Variants in PHF3 observed in about 807,000 individuals in gnomAD.
The protein encoded by PHF3 is PHD finger protein 3.
Under a neutral mutation model 178.4 loss-of-function variants are expected in PHF3, and 41 were observed. That is an observed-to-expected ratio of 0.23 (90% confidence interval 0.18 to 0.30). PHF3 has a LOEUF of 0.30. Among genes scored for constraint, PHF3 ranks in the 10% least tolerant of loss-of-function variants. PHF3 has a pLI of 1.00. For missense variants in PHF3, 2,346 were observed against 2,398.1 expected, an observed-to-expected ratio of 0.98 and a Z score of 0.45; for synonymous variants, 842 against 800.5, an observed-to-expected ratio of 1.05 and a Z score of -0.88.
Position 63,691,815 on chromosome 6 carries a change from G to A in PHF3, c.2268G>A (p.Gln756=). ...CVGLSLSQAQ[Q]MGEEDKEYVC... Reference sequence around the variant, plus strand: ...GGTTAAGTCTTTCTCAAGCACAGCAGATGGGCGAGGAAGACAAAGAATATG... The same window carrying A: ...GGTTAAGTCTTTCTCAAGCACAGCAAATGGGCGAGGAAGACAAAGAATATG... Residue 756 remains glutamine (Q), a synonymous_variant, in exon 5 of 16, where the codon CAG becomes CAA. Transcript: ENST00000262043. The A allele has an allele frequency of 6.2e-7, 1 of 1,613,818 alleles. No individual in the cohort carries two copies. Among genetic ancestry groups the A allele is most frequent in the Non-Finnish European group, 8.5e-7 (1 of 1,179,860 alleles).
chr6:63,661,349 T>C (rs73439245), intron 2 of PHF3, among the ~76,000 whole-genome samples: 11 of 152,270 alleles, frequency 7.2e-5, no homozygotes, highest in African/African-American at 2.6e-4. Context: ...AATAAAATGT[T>C]TGATGCAGGT....
chr6:63,709,133 T>TC lies in PHF3; in HGVS notation c.3712-18_3712-17insC, dbSNP rs1767817713. ...TAATCTATATATATTGATCTCTTTTTTTTTTTTTTAACCATAGGACCTACC... is the reference window on the plus strand; with the variant it reads ...TAATCTATATATATTGATCTCTTTTTCTTTTTTTTTAACCATAGGACCTACC... On this transcript the variant is annotated splice_polypyrimidine_tract_variant and intron_variant, in intron 13 of 15. Transcript: ENST00000262043. The TC allele has an allele frequency of 7.2e-7, 1 of 1,382,922 alleles. No homozygotes were observed. Among genetic ancestry groups the TC allele is most frequent in the East Asian group, 2.3e-5 (1 of 43,056 alleles). The allele number at this position is 1,382,922 out of a possible 1,614,324, so 85.7% of individuals were successfully genotyped here.
chr6:63,649,872 G>A (rs761222146), intron 2 of PHF3, among the ~76,000 whole-genome samples: 26 of 152,300 alleles, frequency 1.7e-4, no homozygotes, highest in Non-Finnish European at 2.8e-4. Context: ...TTGAGATAGT[G>A]AATATACTGT....
chr6:63,703,040 G>A (rs1431893907), intron 10 of PHF3, among the ~76,000 whole-genome samples: 5 of 152,160 alleles, frequency 3.3e-5, no homozygotes, highest in African/African-American at 1.2e-4. Context: ...AATACACCCA[G>A]CTAATTTTTG....
chr6:63,663,535 C>T (rs998089927), intron 2 of PHF3, among the ~76,000 whole-genome samples: 9 of 152,206 alleles, frequency 5.9e-5, no homozygotes, highest in African/African-American at 2.2e-4. Flanking sequence ...ACCCCAGAAA[C>T]ACTTTCTGTA....
rs1325423706 is a variant in PHF3 at position 63,685,404 on chromosome 6, G to A, written c.1682G>A (p.Cys561Tyr). The change falls in exon 4 of 16, where the codon TGC (cysteine) becomes TAC (tyrosine). Residue 561 changes from cysteine to tyrosine, a missense_variant. By Grantham distance (194) the Cys-to-Tyr change is radical. This residue lies in a region of PHF3 where 843 missense variants were observed against 795.2 expected (regional missense o/e 1.06). Transcript: ENST00000262043. ...GATAAGGAGCCAAAGATTCAGAGTT[G>A]CAATTCTGGGGTTAAATCTGTGAAA... ...QIDKEPKIQS[C>Y]NSGVKSVKNQ... 3 of 1,613,974 alleles carry A rather than the reference G, an allele frequency of 1.9e-6. No individual in the cohort carries two copies. The highest frequency in any genetic ancestry group is 2.5e-6 in the Non-Finnish European group (3 of 1,179,988).
intron 10 of PHF3, among the ~76,000 whole-genome samples, chr6:63,703,036 C>A (rs1167405346): frequency 6.6e-6 from 1 of 152,180 alleles, no homozygotes; most frequent in Non-Finnish European, 1.5e-5. Context: ...CGCCAATACA[C>A]CCAGCTAATT....
chr6:63,658,577 G>A (rs1765333814), intron 2 of PHF3, among the ~76,000 whole-genome samples: 1 of 152,050 alleles, frequency 6.6e-6, no homozygotes, highest in African/African-American at 2.4e-5. Context: ...CTTTTATGGT[G>A]TGTTTGCATT....
In PHF3 at chr6:63,694,702, G is replaced by A. The variant is rs900418897; in HGVS notation, c.2618G>A (p.Ser873Asn). The A allele has an allele frequency of 1.9e-6, 3 of 1,599,890 alleles. No homozygotes were observed. The highest frequency in any genetic ancestry group is 1.3e-5 in the African/African-American group (1 of 74,320). Residue 873 changes from serine (S) to asparagine (N), a missense_variant, in exon 6 of 16, where the codon AGT (serine) becomes AAT (asparagine). Around this residue, in one of 8 missense-constraint regions of PHF3, gnomAD observed 252 missense variants for 232.0 expected, o/e 1.09. Transcript: ENST00000262043. ...CCTCGGAGATCCTCAGAAGAAAAAA[G>A]TGAAAAAATACCGAAAGAGTCTACA... ...VLPRRSSEEK[S>N]EKIPKESTTV... is the part of the protein sequence containing the mutation.
chr6:63,709,105 A>G (rs1451443516), intron 13 of PHF3, 46 bp from the exon 14 acceptor site: 2 of 987,816 alleles, frequency 2.0e-6, no homozygotes, highest in African/African-American at 1.7e-5. Flanking sequence ...GTCATAATAA[A>G]GATAATCTAT....
intron 2 of PHF3, among the ~76,000 whole-genome samples, chr6:63,655,265 T>G (rs1582015077): frequency 6.6e-6 from 1 of 152,042 alleles, no homozygotes; most frequent in East Asian, 1.9e-4. Context: ...TTAGTAGAGA[T>G]AGGGTTTCTC....
At chr6:63,682,696 C>G (rs1184416330) in intron 3 of PHF3, among the ~76,000 whole-genome samples, 4 of 152,004 alleles carry the variant, frequency 2.6e-5, no homozygotes, top group African/African-American at 9.7e-5. Flanking sequence ...TAGAATCAGG[C>G]TTCAAACTAA....
At chr6:63,656,494 CT>C (rs1476773761) in intron 2 of PHF3, among the ~76,000 whole-genome samples, 2 of 152,152 alleles carry the variant, frequency 1.3e-5, no homozygotes, top group African/African-American at 2.4e-5. Flanking sequence ...TTTGTATAAA[CT>C]TGCATTTCTG....
chr6:63,724,695 A>G lies in PHF3; in HGVS notation c.*10987A>G, dbSNP rs1017655505. Among the ~76,000 whole-genome samples the G allele has an allele frequency of 3.9e-5, 6 of 152,156 alleles. No homozygotes were observed. The highest frequency in any genetic ancestry group is 7.4e-5 in the Non-Finnish European group (5 of 67,994). ...CTGAGATCATCTAGTATAATTTTCA[A>G]GTTATCATTTTGTTTTAAATTTTAC... On this transcript the variant is annotated 3_prime_UTR_variant, in exon 16 of 16. Coordinates refer to ENST00000262043, the MANE Select transcript of PHF3 (RefSeq NM_001370348.2).
intron 5 of PHF3, 24 bp from the exon 6 acceptor site, chr6:63,694,557 A>G (rs765271721): frequency 1.4e-5 from 20 of 1,399,984 alleles, no homozygotes; most frequent in Admixed American, 2.7e-5. Flanking sequence ...TTTCATTCTA[A>G]TGAATTAAGT....
intron 2 of PHF3, among the ~76,000 whole-genome samples, chr6:63,651,920 A>G (rs1765035844): frequency 6.6e-6 from 1 of 152,154 alleles, no homozygotes; most frequent in South Asian, 2.1e-4. Context: ...TTGTGTATAT[A>G]TATACCACAT....
chr6:63,703,735 A>T, intron 11 of PHF3, 64 bp downstream of exon 11: 2 of 1,461,828 alleles, frequency 1.4e-6, no homozygotes, highest in Non-Finnish European at 1.9e-6. Context: ...CTTAGATACT[A>T]GTATATGTAA....
chr6:63,700,217 T>C, intron 8 of PHF3, 133 bp from the exon 9 acceptor site: 1 of 504,436 alleles, frequency 2.0e-6, no homozygotes, highest in Non-Finnish European at 3.6e-6. Context: ...AATCTCTGTG[T>C]AGTAGGTAAT....
At chr6:63,697,972 AAT>A (rs1344665367) in intron 6 of PHF3, among the ~76,000 whole-genome samples, 1 of 152,188 alleles carries the variant, frequency 6.6e-6, no homozygotes, top group East Asian at 1.9e-4. Flanking sequence ...AAAGTTAATT[AAT>A]ATATATGTGT....
Sources: gnomAD v4.1 joint callset for allele counts (sites outside exome capture counted in the v4.1 genomes callset) on GRCh38, gnomAD v4.1.1 for gene constraint, gnomAD v4.1.1 regional missense constraint, MANE v1.5 for transcripts, NCBI Gene and HGNC (gene_info 2026-07-23, HGNC 2026-07-21) for gene names.